The following MTR variants were observed in gnomAD, a reference collection of about 807,000 sequenced individuals.
MTR encodes the protein methionine synthase.
In MTR, 84 loss-of-function variants were observed where a neutral mutation model predicts 154.8. The observed-to-expected ratio is 0.54, with a 90% confidence interval of 0.45 to 0.65. The LOEUF is 0.65. Among genes scored for constraint, MTR ranks in the 30% least tolerant of loss-of-function variants. MTR has a pLI of 0.00. For synonymous variants in MTR, 554 were observed against 553.9 expected (o/e 1.00, Z 0.00); for missense variants, 1,275 against 1,570.2 (o/e 0.81, Z 3.18).
intron 15 of MTR, among the ~76,000 whole-genome samples, chr1:236,841,840 A>G (rs1191831910): frequency 6.7e-6 from 1 of 150,332 alleles, no homozygotes; most frequent in Non-Finnish European, 1.5e-5. Context: ...GTACTGCTCC[A>G]TTGTCTTCTC....
intron 31 of MTR, 139 bp from the exon 32 acceptor site, chr1:236,896,867 C>T (rs1666653065): frequency 1.3e-6 from 1 of 765,976 alleles, no homozygotes; most frequent in Non-Finnish European, 2.4e-6. Flanking sequence ...AGCTTTCATG[C>T]TGTGTCATGT....
At chr1:236,838,387 G>A in intron 14 of MTR, 27 bp from the exon 15 acceptor site, 1 of 1,612,924 alleles carries the variant, frequency 6.2e-7, no homozygotes, top group Non-Finnish European at 8.5e-7. Flanking sequence ...TGGCCTCTGT[G>A]TGATTTTCTT....
intron 4 of MTR, among the ~76,000 whole-genome samples, chr1:236,809,323 T>A (rs1661170039): frequency 6.6e-6 from 1 of 152,206 alleles, no homozygotes; most frequent in Non-Finnish European, 1.5e-5. Context: ...GAAAAGTGGC[T>A]CCTGAAATAA....
intron 5 of MTR, among the ~76,000 whole-genome samples, chr1:236,811,385 T>C (rs1461266295): frequency 6.6e-6 from 1 of 152,188 alleles, no homozygotes; most frequent in African/African-American, 2.4e-5. Context: ...AACATACTTA[T>C]ATTGAGATCT....
chr1:236,832,467 C>T (rs569066441), intron 13 of MTR, among the ~76,000 whole-genome samples: 67 of 152,256 alleles, frequency 4.4e-4, no homozygotes, highest in African/African-American at 1.4e-3. Context: ...TCGCATCAAA[C>T]GCTGACTGTT....
chr1:236,803,236 A>G (rs917936484), intron 1 of MTR, among the ~76,000 whole-genome samples, 192 bp from the exon 2 acceptor site: 2 of 152,094 alleles, frequency 1.3e-5, no homozygotes. Context: ...GCTGTGTGCA[A>G]TCTTGTATTA....
At chr1:236,845,574 C>G (rs184643696) in intron 15 of MTR, among the ~76,000 whole-genome samples, 111 of 152,206 alleles carry the variant, frequency 7.3e-4, no homozygotes, top group Admixed American at 2.4e-3. Context: ...AATTCAACAG[C>G]ATAAGGATAC....
intron 12 of MTR, 55 bp downstream of exon 12, chr1:236,829,323 G>A (rs1662478240): frequency 7.2e-7 from 1 of 1,397,092 alleles, no homozygotes; most frequent in East Asian, 2.3e-5. Context: ...TGGAGTGTGA[G>A]TATTCTAAGT....
intron 25 of MTR, among the ~76,000 whole-genome samples, chr1:236,884,481 A>G (rs1458777733): frequency 1.3e-5 from 2 of 152,198 alleles, no homozygotes; most frequent in Admixed American, 1.3e-4. Context: ...TATTGTTGTG[A>G]AAGGATATAG....
chr1:236,811,268 A>G (rs1661286903), intron 5 of MTR, among the ~76,000 whole-genome samples: 10 of 152,168 alleles, frequency 6.6e-5, no homozygotes, highest in Admixed American at 6.5e-4. Flanking sequence ...TACCCTCACC[A>G]GGTCCCCTCT....
At chr1:236,889,727 G>C (rs538293437) in intron 28 of MTR, among the ~76,000 whole-genome samples, 15 of 152,276 alleles carry the variant, frequency 9.9e-5, no homozygotes, top group Middle Eastern at 3.4e-3. Context: ...AGGCTTCCTG[G>C]ACAAGGTGGT....
At chr1:236,885,982 C>G (rs1665988980) in intron 26 of MTR, among the ~76,000 whole-genome samples, 1 of 152,182 alleles carries the variant, frequency 6.6e-6, no homozygotes, top group Admixed American at 6.5e-5. Context: ...GACCAGTTAA[C>G]AGCTGACCTC....
At position 236,874,383 on chromosome 1, in the gene MTR, T is replaced by C. The variant is rs569834374; in HGVS notation, c.2474-343T>C. On this transcript the variant is annotated intron_variant, in intron 23 of 32. Transcript: ENST00000366577. ...TGAGGTCAGAAGTTTGAGACCAGCC[T>C]GGCCAACGTGGTGAAACCCTGTCTC... 1.5e-3 allele frequency among the ~76,000 whole-genome samples: 223 copies of C among 152,156 alleles called. 1 individual carries two copies. The highest frequency in any genetic ancestry group is 2.2e-3 in the Non-Finnish European group (149 of 68,004).
intron 25 of MTR, among the ~76,000 whole-genome samples, chr1:236,883,901 T>C (rs1349186044): frequency 6.6e-6 from 1 of 152,202 alleles, no homozygotes; most frequent in East Asian, 1.9e-4. Flanking sequence ...TCTTGCCTTT[T>C]TGTGTATTAG....
intron 15 of MTR, among the ~76,000 whole-genome samples, chr1:236,842,784 G>GTGTATATATA (rs113857806): frequency 2.1e-5 from 3 of 144,422 alleles, no homozygotes; most frequent in African/African-American, 5.1e-5. Flanking sequence ...AAAAAAAGAT[G>GTGTATATATA]TATATATATA....
In MTR at chr1:236,803,547, C is replaced by T. The variant is rs767201867; in HGVS notation, c.154C>T (p.Arg52Ter). 1.3e-5 allele frequency: 21 copies of T among 1,614,046 alleles called. No individual in the cohort carries two copies. Among genetic ancestry groups the T allele is most frequent in the Admixed American group, 3.3e-5 (2 of 60,012 alleles). The change falls in exon 2 of 33, where the codon CGA (arginine) becomes TGA (stop). Residue 52 changes from arginine (R) to a stop codon, truncating the protein, a stop_gained. Transcript: ENST00000366577. LOFTEE classifies it high-confidence loss of function. The stretch of plus-strand genomic sequence containing the variant: ...GGAGAAGCTAAACGAAGAACACTTC[C>T]GAGGTCAGGAATTTAAAGATCATGC... ...QREKLNEEHFRGQEFKDHARP... is the reference protein window; with the variant it reads ...QREKLNEEHF
chr1:236,810,327 A>G (rs971463294), intron 4 of MTR, among the ~76,000 whole-genome samples, 176 bp from the exon 5 acceptor site: 5 of 152,300 alleles, frequency 3.3e-5, no homozygotes, highest in South Asian at 2.1e-4. Flanking sequence ...AGGAGAGGTC[A>G]AGTTTTATTG....
At chr1:236,823,424 A>G (rs1011566247) in intron 8 of MTR, among the ~76,000 whole-genome samples, 23 of 152,198 alleles carry the variant, frequency 1.5e-4, no homozygotes, top group Non-Finnish European at 2.9e-4. Flanking sequence ...TATTTAACCT[A>G]TATTAACTAA....
At position 236,829,250 on chromosome 1, in the gene MTR, G is replaced by A; in HGVS notation, c.1057G>A (p.Gly353Arg). ...AGTTCCACCTGCCACTGCTTTTGAA[G>A]GACATATGTTACTGTCTGGTGAGTC... ...PRVPPATAFE[G>R]HMLLSGLEPF... Residue 353 changes from glycine (G) to arginine (R), a missense_variant, in exon 12 of 33, where the codon GGA (glycine) becomes AGA (arginine). Gly to Arg is a moderately radical substitution (Grantham distance 125). Transcript: ENST00000366577. The A allele has an allele frequency of 6.2e-7, 1 of 1,613,916 alleles. No homozygotes were observed. The highest frequency in any genetic ancestry group is 8.5e-7 in the Non-Finnish European group (1 of 1,179,836).
Sources: allele counts gnomAD v4.1 joint callset (sites outside exome capture counted in the v4.1 genomes callset), GRCh38; gene constraint gnomAD v4.1.1; transcripts MANE v1.5; gene names NCBI Gene and HGNC (gene_info 2026-07-23, HGNC 2026-07-21).